Variants in HS3ST2 observed in about 807,000 individuals in gnomAD.
HS3ST2 encodes heparan sulfate glucosamine 3-O-sulfotransferase 2.
HS3ST2 carries 17 observed loss-of-function variants against 26.3 expected under a neutral mutation model. The ratio of observed to expected loss-of-function variants is 0.65; its 90% CI spans 0.44 to 0.97. The LOEUF is 0.97. Ranked by LOEUF, HS3ST2 falls within the 50% of genes least tolerant of loss-of-function variation. HS3ST2 has a pLI of 0.00. For missense variants in HS3ST2, 402 were observed against 501.2 expected (o/e 0.80, Z 1.89); for synonymous variants, 237 against 219.2 (o/e 1.08, Z -0.72).
chr16:22,821,749 G>A (rs912187585), intron 1 of HS3ST2, among the ~76,000 whole-genome samples: 1 of 152,182 alleles, frequency 6.6e-6, no homozygotes, highest in African/African-American at 2.4e-5. Context: ...GCATGGCTGG[G>A]CTGAAGCACT....
At chr16:22,859,241 C>G (rs1567489867) in intron 1 of HS3ST2, among the ~76,000 whole-genome samples, 1 of 152,170 alleles carries the variant, frequency 6.6e-6, no homozygotes, top group South Asian at 2.1e-4. Context: ...AAATGTTACC[C>G]ATGCTCTAAG....
intron 1 of HS3ST2, among the ~76,000 whole-genome samples, chr16:22,826,717 G>A (rs1901091839): frequency 6.6e-6 from 1 of 152,126 alleles, no homozygotes; most frequent in South Asian, 2.1e-4. Flanking sequence ...TCTGTTCGGG[G>A]CTACAAACTT....
At chr16:22,904,159 C>T (rs1446755824) in intron 1 of HS3ST2, among the ~76,000 whole-genome samples, 2 of 152,310 alleles carry the variant, frequency 1.3e-5, no homozygotes, top group East Asian at 3.9e-4. Flanking sequence ...AAAGCTACCA[C>T]TTCTCATAGG....
chr16:22,859,723 A>C (rs1338395158), intron 1 of HS3ST2, among the ~76,000 whole-genome samples: 1 of 152,224 alleles, frequency 6.6e-6, no homozygotes, highest in African/African-American at 2.4e-5. Context: ...TATGATTTAT[A>C]GCTGAGTGAA....
At chr16:22,843,381 C>T (rs963502166) in intron 1 of HS3ST2, among the ~76,000 whole-genome samples, 5 of 152,186 alleles carry the variant, frequency 3.3e-5, no homozygotes, top group African/African-American at 9.7e-5. Flanking sequence ...ACTCAGTTCC[C>T]AAGACTGCTC....
At chr16:22,902,526 A>T (rs112541763) in intron 1 of HS3ST2, among the ~76,000 whole-genome samples, 2,584 of 152,348 alleles carry the variant, frequency 0.017, 45 homozygotes, top group South Asian at 0.07. Context: ...AACACCTGGC[A>T]CATGAGTCTT....
intron 1 of HS3ST2, among the ~76,000 whole-genome samples, chr16:22,821,965 A>G (rs528736362): frequency 6.6e-6 from 1 of 152,100 alleles, no homozygotes; most frequent in Non-Finnish European, 1.5e-5. Flanking sequence ...TTCAAATCAG[A>G]GGAGCTGACA....
intron 1 of HS3ST2, among the ~76,000 whole-genome samples, chr16:22,882,310 T>C (rs1206511379): frequency 6.6e-6 from 1 of 152,148 alleles, no homozygotes; most frequent in African/African-American, 2.4e-5. Context: ...TACAGTGAAC[T>C]GTGATTAGAC....
At chr16:22,872,095 G>A (rs144374039) in intron 1 of HS3ST2, among the ~76,000 whole-genome samples, 1 of 152,262 alleles carries the variant, frequency 6.6e-6, no homozygotes, top group African/African-American at 2.4e-5. Context: ...CAGACACTTC[G>A]AGATGAAAAT....
Position 22,833,406 on chromosome 16 carries a change from G to A in HS3ST2, c.485+18311G>A, listed in dbSNP as rs191405632. ...GATAATTAAATTCATGGAAGCAGCA[G>A]CAATGACCCAGGAGCACGTATAGCT... On this transcript the variant is annotated intron_variant, in intron 1 of 1. Coordinates refer to ENST00000261374, the MANE Select transcript of HS3ST2 (RefSeq NM_006043.2). 361 of 439,740 alleles carry A rather than the reference G, an allele frequency of 8.2e-4. 1 individual carries two copies. Among genetic ancestry groups the A allele is most frequent in the African/African-American group, 6.7e-3 (332 of 49,800 alleles). 27.2% of individuals were successfully genotyped at this position (439,740 alleles called of 1,614,324 possible). A position where few individuals can be genotyped will look rare whatever the true frequency, so the allele number is the denominator to read the frequency against.
intron 1 of HS3ST2, among the ~76,000 whole-genome samples, chr16:22,874,624 C>T (rs554420169): frequency 1.3e-5 from 2 of 152,322 alleles, no homozygotes; most frequent in East Asian, 3.9e-4. Flanking sequence ...AGGCATTATT[C>T]ACTGTAAGTG....
At chr16:22,864,882 C>CAAAAAAAAA (rs34942780) in intron 1 of HS3ST2, among the ~76,000 whole-genome samples, 3,015 of 56,994 alleles carry the variant, frequency 0.053, 543 homozygotes, top group African/African-American at 0.16. Flanking sequence ...CCTGTCTCCA[C>CAAAAAAAAA]AAAAAAAAAA....
At chr16:22,869,376 C>T (rs1304298149) in intron 1 of HS3ST2, among the ~76,000 whole-genome samples, 1 of 152,196 alleles carries the variant, frequency 6.6e-6, no homozygotes, top group African/African-American at 2.4e-5. Context: ...AATTACTTAG[C>T]TGGCCCAAGA....
At chr16:22,862,413 C>A (rs1251721308) in intron 1 of HS3ST2, among the ~76,000 whole-genome samples, 3 of 152,030 alleles carry the variant, frequency 2.0e-5, no homozygotes. Flanking sequence ...ACTAACCAGG[C>A]ACCTGTTATA....
rs566494505 is a variant in HS3ST2 at position 22,849,154 on chromosome 16, G to T, written c.485+34059G>T. Among the ~76,000 whole-genome samples the T allele has an allele frequency of 5.3e-5, 8 of 152,214 alleles. No individual in the cohort carries two copies. The South Asian group carries it at 1.7e-3, about 32-fold the overall frequency. On this transcript the variant is annotated intron_variant, in intron 1 of 1. Coordinates refer to ENST00000261374, the MANE Select transcript of HS3ST2 (RefSeq NM_006043.2). ...TGAAGCATGTAATGTGCCCTAAATAGCAGGTTTCATGAATGTAGACCCACT... is the reference window on the plus strand; with the variant it reads ...TGAAGCATGTAATGTGCCCTAAATATCAGGTTTCATGAATGTAGACCCACT...
At chr16:22,884,748 T>G (rs1157939165) in intron 1 of HS3ST2, among the ~76,000 whole-genome samples, 1 of 149,406 alleles carries the variant, frequency 6.7e-6, no homozygotes, top group Non-Finnish European at 1.5e-5. Context: ...TGATCCCACC[T>G]AGACATCTAT....
intron 1 of HS3ST2, among the ~76,000 whole-genome samples, chr16:22,887,965 T>C (rs1902083778): frequency 6.6e-6 from 1 of 152,152 alleles, no homozygotes; most frequent in South Asian, 2.1e-4. Flanking sequence ...CCTCAGTGAA[T>C]AACAGACAAA....
At chr16:22,847,468 T>G (rs1901452557) in intron 1 of HS3ST2, among the ~76,000 whole-genome samples, 1 of 152,166 alleles carries the variant, frequency 6.6e-6, no homozygotes, top group African/African-American at 2.4e-5. Flanking sequence ...TAAAAACCCA[T>G]TTGCAAATTT....
At chr16:22,822,850 G>A (rs1196738180) in intron 1 of HS3ST2, among the ~76,000 whole-genome samples, 11 of 145,136 alleles carry the variant, frequency 7.6e-5, no homozygotes, top group South Asian at 4.3e-4. Context: ...GCAAGACTCC[G>A]TCTCAGAAAA....
Sources: gnomAD v4.1 joint callset for allele counts (sites outside exome capture counted in the v4.1 genomes callset) on GRCh38, gnomAD v4.1.1 for gene constraint, MANE v1.5 for transcripts, NCBI Gene and HGNC (gene_info 2026-07-23, HGNC 2026-07-21) for gene names.